The following LGALSL variants were observed in gnomAD, a reference collection of about 807,000 sequenced individuals.
LGALSL encodes galectin like, also known as galectin-related protein.
LGALSL carries 13 observed loss-of-function variants against 19.5 expected under a neutral mutation model. The ratio of observed to expected loss-of-function variants is 0.67; its 90% confidence interval spans 0.43 to 1.06. The LOEUF is 1.06. Among genes scored for constraint, LGALSL ranks in the 50% least tolerant of loss-of-function variants. LGALSL has a pLI of 0.00. For synonymous variants in LGALSL, 86 were observed against 78.3 expected (o/e 1.10, Z -0.52); for missense variants, 189 against 219.3 (o/e 0.86, Z 0.87).
rs755857914 is a variant in LGALSL at position 64,461,198 on chromosome 2, T to G, written c.*2770T>G. 2.0e-5 allele frequency: 3 copies of G among 152,238 alleles called. No homozygotes were observed. Among genetic ancestry groups the G allele is most frequent in the Non-Finnish European group, 4.4e-5 (3 of 68,030 alleles). The allele number at this position is 152,238 out of a possible 1,614,324, so 9.4% of individuals were successfully genotyped here. On this transcript the variant is annotated 3_prime_UTR_variant, in exon 5 of 5. Transcript: ENST00000238875. ...CCAAAAGGAAGGAGGGAGCCCTGTT[T>G]GCCTTGAGATAAACGGCCTTGGCAT...
chr2:64,455,139 A>T (rs374942750), intron 1 of LGALSL, among the ~76,000 whole-genome samples: 3 of 152,058 alleles, frequency 2.0e-5, no homozygotes, highest in East Asian at 3.9e-4. Context: ...GGGTCTGCGG[A>T]TCTTCAGAGG....
In LGALSL at chr2:64,454,591, GC is replaced by G; in HGVS notation, c.36+11del. On this transcript the variant is annotated intron_variant, in intron 1 of 4. Coordinates refer to ENST00000238875, the MANE Select transcript of LGALSL (RefSeq NM_014181.3). The surrounding 1 kb of genome is among the most constrained non-coding windows in gnomAD (Gnocchi z 5.1). ...CAGCGATGCCGTGGTGGTGAGTGTG[GC>G]AGGGCGCGCGCGAGGCGCCCCTCCC... The G allele has an allele frequency of 7.0e-7, 1 of 1,418,642 alleles. No individual in the cohort carries two copies. The highest frequency in any genetic ancestry group is 1.5e-5 in the South Asian group (1 of 67,718). The allele number at this position is 1,418,642 out of a possible 1,614,324, so 87.9% of individuals were successfully genotyped here. A position where few individuals can be genotyped will look rare whatever the true frequency, so the allele number is the denominator to read the frequency against.
Position 64,459,344 on chromosome 2 carries a change from A to C in LGALSL, c.*916A>C, listed in dbSNP as rs544074138. The C allele has an allele frequency of 1.3e-5, 2 of 152,348 alleles. No individual in the cohort carries two copies. The highest frequency in any genetic ancestry group is 4.8e-5 in the African/African-American group (2 of 41,574). The allele number at this position is 152,348 out of a possible 1,614,324, so 9.4% of individuals were successfully genotyped here. Reference sequence around the variant, plus strand: ...TAGCTCATTAAGTTGTTATTAATCAAAAACACAAAGAGGTGATTGCTTAGA... The same window carrying C: ...TAGCTCATTAAGTTGTTATTAATCACAAACACAAAGAGGTGATTGCTTAGA... On this transcript the variant is annotated 3_prime_UTR_variant, in exon 5 of 5. Transcript: ENST00000238875.
At chr2:64,455,445 G>A (rs374979184) in intron 2 of LGALSL, 30 bp downstream of exon 2, 3 of 1,570,526 alleles carry the variant, frequency 1.9e-6, no homozygotes, top group East Asian at 2.2e-5. Context: ...GTCTCTGCCT[G>A]TACCTTCCTC....
At chr2:64,456,199 C>T in intron 3 of LGALSL, 89 bp from the exon 4 acceptor site, 2 of 1,197,386 alleles carry the variant, frequency 1.7e-6, no homozygotes, top group South Asian at 1.3e-5. Context: ...TGGACAAACC[C>T]AGAGGAGGAA....
chr2:64,458,281 C>G lies in LGALSL; in HGVS notation c.376-4C>G, dbSNP rs1686767830. ...ATTGTGGATTATTATTTTGTTTCTT[C>G]CAGGTGGAAATTCTTTGTGAGCACC... On this transcript the variant is annotated splice_polypyrimidine_tract_variant and splice_region_variant and intron_variant, in intron 4 of 4. Coordinates refer to ENST00000238875, the MANE Select transcript of LGALSL (RefSeq NM_014181.3). 2 of 1,613,034 alleles carry G rather than the reference C, an allele frequency of 1.2e-6. No homozygotes were observed. The highest frequency in any genetic ancestry group is 1.7e-5 in the Admixed American group (1 of 59,856).
chr2:64,455,393 C>T lies in LGALSL; in HGVS notation c.86C>T (p.Ala29Val), dbSNP rs755641842. The T allele has an allele frequency of 6.8e-6, 11 of 1,613,288 alleles. No homozygotes were observed. The highest frequency in any genetic ancestry group is 8.5e-6 in the Non-Finnish European group (10 of 1,179,320). Residue 29 changes from alanine to valine, a missense_variant, in exon 2 of 5, where the codon GCG becomes GTG. Transcript: ENST00000238875. ...LNNSLSSPVQ[A>V]DVYFPRLIVP... ...AACTCTTTGAGCTCTCCAGTTCAAG[C>T]GGACGTGTACTTCCCACGACTGGTA...
In LGALSL at chr2:64,458,357, C is replaced by A. The variant is rs1427495673; in HGVS notation, c.448C>A (p.Arg150Ser). The change falls in exon 5 of 5, where the codon CGC (arginine) becomes AGC (serine). Residue 150 changes from arginine to serine, a missense_variant. This residue lies in a region of LGALSL where 106 missense variants were observed against 119.3 expected (regional missense o/e 0.89). Transcript: ENST00000238875. The stretch of plus-strand genomic sequence containing the variant: ...ACACCAACTTTTTGATTTTTACCAT[C>A]GCATTCAAACGTTATCTGCAATTGA... ...DGHQLFDFYHRIQTLSAIDTI... is the reference protein window; with the variant it reads ...DGHQLFDFYHSIQTLSAIDTI... 1.2e-6 allele frequency: 2 copies of A among 1,613,530 alleles called. No individual in the cohort carries two copies. Among genetic ancestry groups the A allele is most frequent in the Non-Finnish European group, 1.7e-6 (2 of 1,179,458 alleles).
At chr2:64,456,931 G>A (rs1323922067) in intron 4 of LGALSL, among the ~76,000 whole-genome samples, 1 of 152,032 alleles carries the variant, frequency 6.6e-6, no homozygotes, top group African/African-American at 2.4e-5. Flanking sequence ...GGCCATGTTC[G>A]TGTCCTTGTT....
rs1440300043 is a variant in LGALSL, at chr2:64,454,725, A to C, written c.36+144A>C. On this transcript the variant is annotated intron_variant, in intron 1 of 4. Coordinates refer to ENST00000238875, the MANE Select transcript of LGALSL (RefSeq NM_014181.3). The surrounding 1 kb of genome is among the most constrained non-coding windows in gnomAD (Gnocchi z 5.1). The stretch of plus-strand genomic sequence containing the variant: ...GGGAAGGCGCCCGGTACCTGTTAGC[A>C]GCCGCTGGCTGCGCGCGGCCGGTGT... The C allele has an allele frequency of 6.5e-6, 3 of 461,694 alleles. No homozygotes were observed. The highest frequency in any genetic ancestry group is 1.0e-5 in the Non-Finnish European group (3 of 298,758). The allele number at this position is 461,694 out of a possible 1,614,324, so 28.6% of individuals were successfully genotyped here. A position where few individuals can be genotyped will look rare whatever the true frequency, so the allele number is the denominator to read the frequency against.
At position 64,454,515 on chromosome 2, in the gene LGALSL, T is replaced by C. The variant is rs776059845; in HGVS notation, c.-31T>C. ...CCGGGATCCCCGCCCGCGCGCCGCG[T>C]CCCACGTACCCCGCCGCGCCGGGCA... On this transcript the variant is annotated 5_prime_UTR_variant, in exon 1 of 5. Transcript: ENST00000238875. This position sits in a 1 kb window ranked among gnomAD's most constrained non-coding sequence, Gnocchi z 5.1. The C allele has an allele frequency of 3.9e-5, 53 of 1,362,470 alleles. No homozygotes were observed. In the South Asian group the frequency reaches 6.1e-4, roughly 16 times the overall value. The allele number at this position is 1,362,470 out of a possible 1,614,324, so 84.4% of individuals were successfully genotyped here.
At chr2:64,456,589 A>C in intron 4 of LGALSL, 124 bp downstream of exon 4, 1 of 713,684 alleles carries the variant, frequency 1.4e-6, no homozygotes, top group Non-Finnish European at 2.2e-6. Flanking sequence ...TTGTCACCCA[A>C]TGGTGAAAAA....
In LGALSL at chr2:64,456,331, G is replaced by A; in HGVS notation, c.241G>A (p.Ala81Thr). 1 of 1,612,338 alleles carries A rather than the reference G, an allele frequency of 6.2e-7. No homozygotes were observed. The highest frequency in any genetic ancestry group is 1.3e-5 in the African/African-American group (1 of 74,900). The change falls in exon 4 of 5, where the codon GCC becomes ACC. Residue 81 changes from alanine (A) to threonine (T), a missense_variant. Around this residue, in one of 3 missense-constraint regions of LGALSL, gnomAD observed 106 missense variants for 119.3 expected, o/e 0.89. Transcript: ENST00000238875. ...LTCGDSEDPP[A>T]DVAIELKAVF... ...CTGTGGGGACTCAGAAGACCCTCCT[G>A]CCGATGTGGCAATCGAACTCAAAGC... is the stretch of plus-strand genomic sequence containing the variant.
In LGALSL at chr2:64,455,372, C is replaced by A. The variant is rs751380532; in HGVS notation, c.65C>A (p.Ser22Tyr). The change falls in exon 2 of 5, where the codon TCT (serine) becomes TAT (tyrosine). Residue 22 changes from serine to tyrosine, a missense_variant. Physicochemically the swap from Ser to Tyr is moderately radical, Grantham distance 144 (BLOSUM62 -2). Around this residue, in one of 3 missense-constraint regions of LGALSL, gnomAD observed 62 missense variants for 49.0 expected, o/e 1.27. Coordinates refer to ENST00000238875, the MANE Select transcript of LGALSL (RefSeq NM_014181.3). ...CTAGATGATGGCCATTTAAACAACT[C>A]TTTGAGCTCTCCAGTTCAAGCGGAC... is the stretch of plus-strand genomic sequence containing the variant. ...VKLDDGHLNN[S>Y]LSSPVQADVY... 1.9e-6 allele frequency: 3 copies of A among 1,613,934 alleles called. No homozygotes were observed. The highest frequency in any genetic ancestry group is 2.2e-5 in the East Asian group (1 of 44,894).
chr2:64,458,258 T>C, intron 4 of LGALSL, 27 bp from the exon 5 acceptor site: 2 of 1,609,240 alleles, frequency 1.2e-6, no homozygotes, highest in Non-Finnish European at 1.7e-6. Context: ...TCATTGAAAT[T>C]GTGGATTATT....
In LGALSL at chr2:64,460,775, G is replaced by A. The variant is rs1425365221; in HGVS notation, c.*2347G>A. ...CCTCTCCTGGGCCTGTAAGGTCTAA[G>A]GTGAGAATTTCAGGATGGAAAATGC... On this transcript the variant is annotated 3_prime_UTR_variant, in exon 5 of 5. Transcript: ENST00000238875. 1 of 152,184 alleles carries A rather than the reference G, an allele frequency of 6.6e-6. No individual in the cohort carries two copies. The highest frequency in any genetic ancestry group is 2.4e-5 in the African/African-American group (1 of 41,438). The allele number at this position is 152,184 out of a possible 1,614,324, so 9.4% of individuals were successfully genotyped here.
intron 3 of LGALSL, 74 bp downstream of exon 3, chr2:64,455,751 C>A: frequency 1.9e-6 from 2 of 1,060,298 alleles, no homozygotes; most frequent in Non-Finnish European, 1.5e-6. Flanking sequence ...TGTGGTTTAG[C>A]ACTCCTCTTC....
chr2:64,455,437 C>G, intron 2 of LGALSL, 22 bp downstream of exon 2: 2 of 1,590,894 alleles, frequency 1.3e-6, no homozygotes, highest in African/African-American at 1.3e-5. Flanking sequence ...TGCTCTGTGT[C>G]TCTGCCTGTA....
In LGALSL at chr2:64,459,485, T is replaced by A; in HGVS notation, c.*1057T>A. 1 of 152,228 alleles carries A rather than the reference T, an allele frequency of 6.6e-6. No homozygotes were observed. The highest frequency in any genetic ancestry group is 1.9e-4 in the East Asian group (1 of 5,202). 9.4% of individuals were successfully genotyped at this position (152,228 alleles called of 1,614,324 possible). A position where few individuals can be genotyped will look rare whatever the true frequency, so the allele number is the denominator to read the frequency against. ...GAATAACTTACTTGGAAGTAATTTA[T>A]ATCAACTTAAGCTGTTAGCTCATTG... On this transcript the variant is annotated 3_prime_UTR_variant, in exon 5 of 5. Coordinates refer to ENST00000238875, the MANE Select transcript of LGALSL (RefSeq NM_014181.3).
Sources: allele counts gnomAD v4.1 joint callset (sites outside exome capture counted in the v4.1 genomes callset), GRCh38; gene constraint gnomAD v4.1.1; regional missense constraint gnomAD v4.1.1; non-coding constraint Gnocchi (gnomAD v3.1); transcripts MANE v1.5; gene names NCBI Gene and HGNC (gene_info 2026-07-23, HGNC 2026-07-21).